MCOLN2: variants seen among roughly 807,000 people sequenced by gnomAD.
MCOLN2 encodes the protein mucolipin TRP cation channel 2.
In MCOLN2, 57 loss-of-function variants were observed where a neutral mutation model predicts 67.5. The ratio of observed to expected loss-of-function variants is 0.84; its 90% CI spans 0.68 to 1.05. The LOEUF (loss-of-function observed/expected upper bound fraction) is 1.05, where lower values mean the gene tolerates loss of function less well. Ranked by LOEUF, MCOLN2 falls within the 50% of genes least tolerant of loss-of-function variation. MCOLN2 has a pLI of 0.00. For synonymous variants in MCOLN2, 246 were observed against 233.3 expected, an observed-to-expected ratio of 1.05 and a Z score of -0.50; for missense variants, 620 against 678.8, an observed-to-expected ratio of 0.91 and a Z score of 0.96.
intron 7 of MCOLN2, among the ~76,000 whole-genome samples, chr1:84,941,225 G>A (rs767128665): frequency 1.3e-5 from 2 of 152,120 alleles, no homozygotes; most frequent in Non-Finnish European, 2.9e-5. Context: ...GGCCAGGCAC[G>A]GTGGCTCACG....
intron 2 of MCOLN2, among the ~76,000 whole-genome samples, chr1:84,961,013 A>G (rs1366855237): frequency 1.3e-5 from 2 of 152,236 alleles, no homozygotes; most frequent in African/African-American, 4.8e-5. Context: ...CTGCAAGGAC[A>G]GGAATGTTTT....
chr1:84,941,981 G>C lies in MCOLN2; in HGVS notation c.848-990C>G, dbSNP rs114304106. ...ATCCCAGCCCAGCTCTCTTCTGCCT[G>C]ACCCCCACCTTCTTCACCCTACAGC... On this transcript the variant is annotated intron_variant, in intron 7 of 13. Coordinates refer to ENST00000370608, the MANE Select transcript of MCOLN2 (RefSeq NM_153259.4). Among the ~76,000 whole-genome samples the C allele has an allele frequency of 1.7e-3, 256 of 152,228 alleles. 1 individual carries two copies. Among genetic ancestry groups the C allele is most frequent in the African/African-American group, 5.9e-3 (246 of 41,530 alleles).
intron 1 of MCOLN2, among the ~76,000 whole-genome samples, chr1:84,967,806 G>T (rs574958839): frequency 7.7e-6 from 1 of 129,250 alleles, no homozygotes; most frequent in Non-Finnish European, 1.7e-5. Context: ...AGAGAGGGAG[G>T]GAGGAGAGAG....
chr1:84,966,238 C>T (rs566698073), intron 1 of MCOLN2, among the ~76,000 whole-genome samples: 9 of 151,572 alleles, frequency 5.9e-5, no homozygotes, highest in African/African-American at 1.9e-4. Context: ...GGTGACAGAG[C>T]GAGACTCCCT....
intron 1 of MCOLN2, among the ~76,000 whole-genome samples, chr1:84,987,423 CCT>C (rs1409068356): frequency 1.1e-4 from 11 of 103,900 alleles, no homozygotes; most frequent in Non-Finnish European, 1.6e-4. Flanking sequence ...TATGTATATA[CCT>C]ATATACGTAT....
intron 1 of MCOLN2, among the ~76,000 whole-genome samples, chr1:84,986,125 C>T (rs1323840926): frequency 6.6e-6 from 1 of 152,122 alleles, no homozygotes; most frequent in East Asian, 1.9e-4. Flanking sequence ...ATAGAGAACC[C>T]AGAAATAAAG....
chr1:84,956,919 C>T (rs917975986), intron 3 of MCOLN2, among the ~76,000 whole-genome samples: 3 of 152,174 alleles, frequency 2.0e-5, no homozygotes, highest in African/African-American at 7.2e-5. Flanking sequence ...GGAGCTCACA[C>T]GCATATTTTT....
At chr1:84,991,660 C>T (rs1234639198) in intron 1 of MCOLN2, among the ~76,000 whole-genome samples, 3 of 152,174 alleles carry the variant, frequency 2.0e-5, no homozygotes, top group African/African-American at 4.8e-5. Flanking sequence ...GATGAACATG[C>T]TAACCCTTCA....
chr1:84,976,693 G>C (rs1443340448), intron 1 of MCOLN2, among the ~76,000 whole-genome samples: 5 of 152,130 alleles, frequency 3.3e-5, no homozygotes, highest in Admixed American at 6.6e-5. Context: ...TTGAACTCAG[G>C]AGGTGGAGGT....
At chr1:84,983,260 T>C (rs1276746156) in intron 1 of MCOLN2, among the ~76,000 whole-genome samples, 3 of 119,394 alleles carry the variant, frequency 2.5e-5, no homozygotes, top group Non-Finnish European at 3.9e-5. Context: ...CAACTGTATT[T>C]TTGTTTTTCT....
intron 6 of MCOLN2, among the ~76,000 whole-genome samples, chr1:84,950,342 A>G (rs545704386): frequency 4.7e-4 from 72 of 152,348 alleles, no homozygotes; most frequent in Middle Eastern, 3.4e-3. Flanking sequence ...CCTAGGAATA[A>G]AAACCAAAAT....
chr1:84,979,010 T>C lies in MCOLN2; in HGVS notation c.78-13302A>G, dbSNP rs201277918. Among the ~76,000 whole-genome samples the C allele has an allele frequency of 4.6e-5, 7 of 152,220 alleles. No individual in the cohort carries two copies. In the East Asian group the frequency reaches 7.7e-4, roughly 17 times the overall value. On this transcript the variant is annotated intron_variant, in intron 1 of 13. Transcript: ENST00000370608. ...GGGAGAAAGACATAGGGTGGAAGACTAGGCCAGTCTCTCTTTTCACATTTT... is the reference window on the plus strand; with the variant it reads ...GGGAGAAAGACATAGGGTGGAAGACCAGGCCAGTCTCTCTTTTCACATTTT...
rs1411808799 is a variant in MCOLN2 at position 84,958,241 on chromosome 1, C to G, written c.411+288G>C. On this transcript the variant is annotated intron_variant, in intron 3 of 13. Coordinates refer to ENST00000370608, the MANE Select transcript of MCOLN2 (RefSeq NM_153259.4). ...GATTTTATATTAAGCTTTCATCAAG[C>G]CTTCTGAGATTAAAAATCTACTCTT... 3.3e-5 allele frequency among the ~76,000 whole-genome samples: 5 copies of G among 152,120 alleles called. No individual in the cohort carries two copies. The East Asian group carries it at 7.7e-4, about 23-fold the overall frequency.
intron 6 of MCOLN2, among the ~76,000 whole-genome samples, chr1:84,951,347 C>A (rs1431081019): frequency 6.6e-6 from 1 of 152,050 alleles, no homozygotes; most frequent in Non-Finnish European, 1.5e-5. Flanking sequence ...TCAGTTTAGT[C>A]CCTTAATGAA....
chr1:84,958,365 T>A (rs1463360292), intron 3 of MCOLN2, among the ~76,000 whole-genome samples, 164 bp downstream of exon 3: 1 of 152,242 alleles, frequency 6.6e-6, no homozygotes, highest in Non-Finnish European at 1.5e-5. Flanking sequence ...CAAACTCTTT[T>A]GTGTAGAAAT....
At chr1:84,926,784 A>C (rs1303950798) in intron 13 of MCOLN2, 63 bp from the exon 14 acceptor site, 1 of 1,292,848 alleles carries the variant, frequency 7.7e-7, no homozygotes, top group African/African-American at 1.5e-5. Flanking sequence ...TTTGAGGAGC[A>C]ATAGGAATAC....
At chr1:84,927,508 G>A (rs1021629248) in intron 13 of MCOLN2, among the ~76,000 whole-genome samples, 16 of 152,218 alleles carry the variant, frequency 1.1e-4, no homozygotes, top group African/African-American at 3.9e-4. Context: ...GTTAATGGCA[G>A]TGTCCAAAAT....
chr1:84,931,714 T>A, intron 11 of MCOLN2, 146 bp from the exon 12 acceptor site: 1 of 697,220 alleles, frequency 1.4e-6, no homozygotes, highest in Non-Finnish European at 2.4e-6. Context: ...CCATAAGAAG[T>A]AGGAAAACAT....
chr1:84,983,882 G>A (rs142025618), intron 1 of MCOLN2, among the ~76,000 whole-genome samples: 3,654 of 151,194 alleles, frequency 0.024, 67 homozygotes, highest in Non-Finnish European at 0.033. Flanking sequence ...TCACCATGTT[G>A]GCCAAGCTGG....
Sources: allele counts gnomAD v4.1 joint callset (sites outside exome capture counted in the v4.1 genomes callset), GRCh38; gene constraint gnomAD v4.1.1; transcripts MANE v1.5; gene names NCBI Gene and HGNC (gene_info 2026-07-23, HGNC 2026-07-21).